STK3: variants seen among roughly 807,000 people sequenced by gnomAD.
The protein encoded by STK3 is serine/threonine kinase 3, also known as serine/threonine-protein kinase 3.
In STK3, 41 loss-of-function variants were observed where a neutral mutation model predicts 58.0. The ratio of observed to expected loss-of-function variants is 0.71; its 90% confidence interval spans 0.55 to 0.92. STK3 has a LOEUF of 0.92. Ranked by LOEUF, STK3 falls within the 40% of genes least tolerant of loss-of-function variation. STK3 has a pLI of 0.00. For synonymous variants in STK3, 170 were observed against 191.0 expected (o/e 0.89, Z 0.91); for missense variants, 479 against 602.7 (o/e 0.79, Z 2.15).
chr8:98,707,527 C>T (rs546432017), intron 4 of STK3, among the ~76,000 whole-genome samples: 20 of 152,036 alleles, frequency 1.3e-4, no homozygotes, highest in African/African-American at 2.7e-4. Context: ...CTCAGCTTCC[C>T]GAGTAGCTAG....
chr8:98,590,512 C>G (rs966517759), intron 7 of STK3, among the ~76,000 whole-genome samples: 1 of 152,070 alleles, frequency 6.6e-6, no homozygotes, highest in Admixed American at 6.6e-5. Flanking sequence ...TTGGGCTGGT[C>G]GGTCTGAGGA....
intron 6 of STK3, among the ~76,000 whole-genome samples, chr8:98,605,912 T>C (rs1435336500): frequency 6.6e-6 from 1 of 152,148 alleles, no homozygotes; most frequent in African/African-American, 2.4e-5. Context: ...CCTTTCTCTC[T>C]TCCTCCTGCT....
chr8:98,522,527 C>T (rs1007734878), intron 10 of STK3, among the ~76,000 whole-genome samples: 2 of 152,086 alleles, frequency 1.3e-5, no homozygotes, highest in African/African-American at 4.8e-5. Context: ...AATTCTTTCC[C>T]CTCTTCTCTT....
intron 8 of STK3, chr8:98,553,357 T>C (rs1442688127): frequency 6.6e-6 from 1 of 152,126 alleles, no homozygotes; most frequent in Non-Finnish European, 1.5e-5. Flanking sequence ...GACTCTCAAA[T>C]CTATAAGGGC....
intron 6 of STK3, among the ~76,000 whole-genome samples, chr8:98,645,977 C>G (rs116034632): frequency 4.3e-4 from 66 of 152,204 alleles, no homozygotes; most frequent in African/African-American, 1.4e-3. Context: ...CGTGCTTCAC[C>G]ACTTTTCAAT....
intron 10 of STK3, among the ~76,000 whole-genome samples, chr8:98,509,162 T>A (rs1824314639): frequency 1.3e-5 from 2 of 152,030 alleles, no homozygotes. Context: ...ACAAAATATC[T>A]TTCCTTTTCT....
chr8:98,449,264 C>T (rs367876944), intron 1 of STK3, among the ~76,000 whole-genome samples: 14 of 152,148 alleles, frequency 9.2e-5, no homozygotes, highest in African/African-American at 3.4e-4. Context: ...TTGACACTCA[C>T]AAGAACTCTG....
At chr8:98,355,208 A>T in the STK3 span, among the ~76,000 whole-genome samples, 1 of 152,114 alleles carries the variant, frequency 6.6e-6, no homozygotes, top group Admixed American at 6.6e-5. Flanking sequence ...CAAAGTGTTA[A>T]TTTTGTTCTG....
chr8:98,407,713 C>CGTGT lies in STK3; in HGVS notation n.484-6201_484-6200insACAC, dbSNP rs1818009220. Among the ~76,000 whole-genome samples, 3 of 110,696 alleles carry CGTGT rather than the reference C, an allele frequency of 2.7e-5. No homozygotes were observed. In the South Asian group the frequency reaches 1.1e-3, roughly 39 times the overall value. 72.6% of individuals were successfully genotyped at this position (110,696 alleles called of 152,430 possible). A position where few individuals can be genotyped will look rare whatever the true frequency, so the allele number is the denominator to read the frequency against. On this transcript the variant is annotated intron_variant and non_coding_transcript_variant, in intron 3 of 3. Coordinates refer to the STK3 transcript ENST00000517832. ...ACCTTCTAGCCCACTCAGATGAGTG[C>CGTGT]ATGTGTGTGTGTGTGTGTGTGTGTG...
At chr8:98,891,679 A>C (rs1182451756) in intron 1 of STK3, among the ~76,000 whole-genome samples, 1 of 152,060 alleles carries the variant, frequency 6.6e-6, no homozygotes, top group Non-Finnish European at 1.5e-5. Context: ...AAACAGTAGT[A>C]AAAGAAAGCT....
chr8:98,429,083 T>C (rs762960092), intron 3 of STK3: 11 of 1,613,200 alleles, frequency 6.8e-6, no homozygotes, highest in Non-Finnish European at 7.6e-6. Context: ...GGTGGTGGGC[T>C]ACCGTCAGTA....
At chr8:98,480,175 G>A (rs997825744) in intron 10 of STK3, among the ~76,000 whole-genome samples, 1 of 152,070 alleles carries the variant, frequency 6.6e-6, no homozygotes, top group African/African-American at 2.4e-5. Flanking sequence ...AATTTGGCAA[G>A]AGATAAATTT....
At chr8:98,384,524 A>G (rs1297945848) in intron 1 of STK3, among the ~76,000 whole-genome samples, 1 of 152,220 alleles carries the variant, frequency 6.6e-6, no homozygotes, top group Non-Finnish European at 1.5e-5. Flanking sequence ...TAATACAAAG[A>G]CTTGGCCTCT....
intron 6 of STK3, among the ~76,000 whole-genome samples, chr8:98,680,129 C>A (rs1408367002): frequency 6.6e-6 from 1 of 152,090 alleles, no homozygotes; most frequent in Non-Finnish European, 1.5e-5. Flanking sequence ...AGCTGAATAT[C>A]ATACTACTAT....
chr8:98,663,159 A>G lies in STK3; in HGVS notation c.684+43308T>C, dbSNP rs144876890. ...CAAAGGGCTAATATCCAGAATCTACAATGAACTCAAATTCACAAGAAAAAA... is the reference window on the plus strand; with the variant it reads ...CAAAGGGCTAATATCCAGAATCTACGATGAACTCAAATTCACAAGAAAAAA... On this transcript the variant is annotated intron_variant, in intron 6 of 10. Transcript: ENST00000419617. Among the ~76,000 whole-genome samples, 1,240 of 152,302 alleles carry G rather than the reference A, an allele frequency of 8.1e-3. 12 individuals carry two copies. The highest frequency in any genetic ancestry group is 0.028 in the African/African-American group (1,168 of 41,546).
chr8:98,484,776 C>A (rs1005293542), intron 10 of STK3, among the ~76,000 whole-genome samples: 1 of 151,876 alleles, frequency 6.6e-6, no homozygotes, highest in African/African-American at 2.4e-5. Flanking sequence ...ATTTTAAGAT[C>A]TTCTTGTTAT....
intron 3 of STK3, among the ~76,000 whole-genome samples, chr8:98,752,707 T>G (rs1021723672): frequency 6.7e-6 from 1 of 149,242 alleles, no homozygotes; most frequent in African/African-American, 2.5e-5. Context: ...ATGCATCCAA[T>G]AAAGGTCTAA....
At chr8:98,637,678 G>A (rs896395328) in intron 6 of STK3, among the ~76,000 whole-genome samples, 1 of 152,068 alleles carries the variant, frequency 6.6e-6, no homozygotes, top group African/African-American at 2.4e-5. Context: ...CTACTAAAAT[G>A]GAATCTGCAC....
At chr8:98,560,587 A>G (rs1811933842) in intron 8 of STK3, among the ~76,000 whole-genome samples, 2 of 152,170 alleles carry the variant, frequency 1.3e-5, no homozygotes, top group African/African-American at 4.8e-5. Flanking sequence ...AAGACTCAAT[A>G]CTGTTAAAAT....
Sources: allele counts gnomAD v4.1 joint callset (sites outside exome capture counted in the v4.1 genomes callset), GRCh38; gene constraint gnomAD v4.1.1; transcripts MANE v1.5; gene names NCBI Gene and HGNC (gene_info 2026-07-23, HGNC 2026-07-21).